The following LRRC7 variants were observed in gnomAD, a reference collection of about 807,000 sequenced individuals.
LRRC7 encodes the protein leucine rich repeat containing 7.
Under a neutral mutation model 175.7 loss-of-function variants are expected in LRRC7, and 23 were observed. That is an observed-to-expected ratio of 0.13 (90% CI 0.09 to 0.19). LRRC7 has a LOEUF of 0.19. Among genes scored for constraint, LRRC7 ranks in the 10% least tolerant of loss-of-function variants. The probability of loss-of-function intolerance (pLI) is 1.00; values close to 1 mark genes in which losing one functional copy is unlikely to be tolerated. For synonymous variants in LRRC7, 685 were observed against 680.9 expected (o/e 1.01, Z -0.09); for missense variants, 1,354 against 1,904.7 (o/e 0.71, Z 5.38).
At chr1:69,775,019 A>T (rs185005870) in intron 3 of LRRC7, among the ~76,000 whole-genome samples, 10 of 152,288 alleles carry the variant, frequency 6.6e-5, no homozygotes, top group East Asian at 3.9e-4. Context: ...ATTTTTATTT[A>T]AAAAAGTTTA....
intron 24 of LRRC7, among the ~76,000 whole-genome samples, chr1:70,080,230 C>T (rs1663104917): frequency 6.6e-6 from 1 of 152,138 alleles, no homozygotes; most frequent in African/African-American, 2.4e-5. Context: ...TTAATGAAAA[C>T]ATACCTCTGT....
chr1:69,903,073 T>C (rs761340108), intron 7 of LRRC7, among the ~76,000 whole-genome samples: 4 of 152,228 alleles, frequency 2.6e-5, no homozygotes, highest in Non-Finnish European at 4.4e-5. Context: ...AGCATGATAA[T>C]CTTTATGACA....
At chr1:69,929,223 T>C (rs904769283) in intron 7 of LRRC7, among the ~76,000 whole-genome samples, 3 of 152,220 alleles carry the variant, frequency 2.0e-5, no homozygotes, top group Admixed American at 1.3e-4. Context: ...AGTGAGCTGG[T>C]AAGCCATCTC....
chr1:69,808,737 A>G lies in LRRC7; in HGVS notation c.421+16577A>G, dbSNP rs558149634. On this transcript the variant is annotated intron_variant, in intron 4 of 26. Coordinates refer to ENST00000651989, the MANE Select transcript of LRRC7 (RefSeq NM_001370785.2). ...AATAAGAACAAAGACACAATGTACCATAATCTCTGGGACACAGCTAAGGCA... is the reference window on the plus strand; with the variant it reads ...AATAAGAACAAAGACACAATGTACCGTAATCTCTGGGACACAGCTAAGGCA... Among the ~76,000 whole-genome samples, 4 of 152,270 alleles carry G rather than the reference A, an allele frequency of 2.6e-5. No homozygotes were observed. The South Asian group carries it at 6.2e-4, about 24-fold the overall frequency.
At position 70,082,801 on chromosome 1, in the gene LRRC7, T is replaced by TTTTTTTTTG. The variant is rs1663316341; in HGVS notation, c.4452+6511_4452+6512insGTTTTTTTT. Among the ~76,000 whole-genome samples the TTTTTTTTTG allele has an allele frequency of 1.7e-5, 2 of 120,294 alleles. 1 individual carries two copies. Among genetic ancestry groups the TTTTTTTTTG allele is most frequent in the Non-Finnish European group, 3.4e-5 (2 of 58,000 alleles). The allele number at this position is 120,294 out of a possible 152,430, so 78.9% of individuals were successfully genotyped here. A position where few individuals can be genotyped will look rare whatever the true frequency, so the allele number is the denominator to read the frequency against. On this transcript the variant is annotated intron_variant, in intron 24 of 26. Coordinates refer to ENST00000651989, the MANE Select transcript of LRRC7 (RefSeq NM_001370785.2). ...AGTACATTTTTTTTTTTTTTTTTTT[T>TTTTTTTTTG]TTTTTTTTTTTGAGACAAAGCCTCT...
At chr1:69,739,577 T>C (rs2100849112) in intron 2 of LRRC7, among the ~76,000 whole-genome samples, 1 of 152,202 alleles carries the variant, frequency 6.6e-6, no homozygotes, top group South Asian at 2.1e-4. Flanking sequence ...TTTGCAAAGT[T>C]AATTGATTTG....
intron 22 of LRRC7, among the ~76,000 whole-genome samples, chr1:70,044,469 G>A (rs1004762309): frequency 6.6e-6 from 1 of 152,008 alleles, no homozygotes; most frequent in Non-Finnish European, 1.5e-5. Context: ...TCCTGGTGAT[G>A]CATTCTGAGA....
chr1:70,076,205 G>C lies in LRRC7; in HGVS notation c.4359G>C (p.Gln1453His). The change falls in exon 24 of 27, where the codon CAG (glutamine) becomes CAC (histidine). Residue 1453 changes from glutamine to histidine, a missense_variant. Physicochemically the swap from Gln to His is conservative, Grantham distance 24 (BLOSUM62 0). Transcript: ENST00000651989. ...IQQFQSPLPI[Q>H]IPSSQATRGP... ...AATTTCAGTCACCATTGCCTATTCA[G>C]ATCCCCTCTTCACAGGCCACCCGGG... is the stretch of plus-strand genomic sequence containing the variant. 6.2e-7 allele frequency: 1 copy of C among 1,614,088 alleles called. No individual in the cohort carries two copies. The highest frequency in any genetic ancestry group is 8.5e-7 in the Non-Finnish European group (1 of 1,179,998).
chr1:70,079,466 A>G (rs1425977027), intron 24 of LRRC7, among the ~76,000 whole-genome samples: 1 of 152,238 alleles, frequency 6.6e-6, no homozygotes, highest in South Asian at 2.1e-4. Flanking sequence ...TGGTACAAAG[A>G]AAGTCTACTC....
intron 7 of LRRC7, among the ~76,000 whole-genome samples, chr1:69,911,187 A>G (rs1427018702): frequency 1.3e-5 from 2 of 151,634 alleles, no homozygotes; most frequent in African/African-American, 4.9e-5. Flanking sequence ...CGGCTCGCGC[A>G]CGGTGCACTG....
chr1:69,899,144 C>T (rs1352779320), intron 7 of LRRC7, among the ~76,000 whole-genome samples: 1 of 152,196 alleles, frequency 6.6e-6, no homozygotes, highest in African/African-American at 2.4e-5. Flanking sequence ...AGTAGTCTCT[C>T]ATATTAGCAG....
chr1:69,913,782 G>A (rs7536181), intron 7 of LRRC7, among the ~76,000 whole-genome samples: 54,922 of 152,002 alleles, frequency 0.36, 12,151 homozygotes, highest in East Asian at 0.55. Context: ...CAAAGTGCTG[G>A]GATTACTGAT....
chr1:69,842,291 A>T (rs1386964784), intron 7 of LRRC7, among the ~76,000 whole-genome samples: 1 of 152,080 alleles, frequency 6.6e-6, no homozygotes, highest in Non-Finnish European at 1.5e-5. Flanking sequence ...AAACTGTTCC[A>T]TGTGTGTGAG....
rs577470915 is a variant in LRRC7, at chr1:70,029,814, T to C, written c.1995+1443T>C. On this transcript the variant is annotated intron_variant, in intron 18 of 26. Transcript: ENST00000651989. ...AAAATGTCTTCATGTAGGGATGGGA[T>C]AGATGAGACTTTGGTTATGAATTTA... Among the ~76,000 whole-genome samples, 6 of 152,326 alleles carry C rather than the reference T, an allele frequency of 3.9e-5. 1 individual carries two copies. Among genetic ancestry groups the C allele is most frequent in the Admixed American group, 3.9e-4 (6 of 15,292 alleles).
intron 2 of LRRC7, among the ~76,000 whole-genome samples, chr1:69,707,441 CT>C (rs1664177571): frequency 6.6e-6 from 1 of 152,112 alleles, no homozygotes; most frequent in African/African-American, 2.4e-5. Flanking sequence ...TGGTAATCTG[CT>C]TTATTACGCG....
intron 18 of LRRC7, among the ~76,000 whole-genome samples, chr1:70,031,466 T>C (rs1231027114): frequency 6.6e-6 from 1 of 152,214 alleles, no homozygotes; most frequent in Non-Finnish European, 1.5e-5. Context: ...GTTATGGTGA[T>C]CCTAGACCAA....
intron 3 of LRRC7, among the ~76,000 whole-genome samples, chr1:69,786,854 C>G (rs1261938768): frequency 6.6e-6 from 1 of 152,118 alleles, no homozygotes; most frequent in African/African-American, 2.4e-5. Flanking sequence ...TCTCCCAGAT[C>G]TTACGTACTC....
At chr1:70,094,436 C>G (rs1424496229) in intron 25 of LRRC7, among the ~76,000 whole-genome samples, 7 of 151,920 alleles carry the variant, frequency 4.6e-5, no homozygotes, top group African/African-American at 1.7e-4. Flanking sequence ...GGTAAAATTC[C>G]AAGCCATCGA....
In LRRC7 at chr1:70,128,055, G is replaced by T. The variant is rs911020080; in HGVS notation, c.*6168G>T. Among the ~76,000 whole-genome samples the T allele has an allele frequency of 6.6e-6, 1 of 151,918 alleles. No individual in the cohort carries two copies. The highest frequency in any genetic ancestry group is 1.5e-5 in the Non-Finnish European group (1 of 68,014). On this transcript the variant is annotated 3_prime_UTR_variant, in exon 27 of 27. Coordinates refer to ENST00000651989, the MANE Select transcript of LRRC7 (RefSeq NM_001370785.2). ...TGGCTCACTGTAACTTCCACCTCCCGAGTTCAGGCAATTCTCATGTCTCAG... is the reference window on the plus strand; with the variant it reads ...TGGCTCACTGTAACTTCCACCTCCCTAGTTCAGGCAATTCTCATGTCTCAG...
Sources: allele counts gnomAD v4.1 joint callset (sites outside exome capture counted in the v4.1 genomes callset), GRCh38; gene constraint gnomAD v4.1.1; transcripts MANE v1.5; gene names NCBI Gene and HGNC (gene_info 2026-07-23, HGNC 2026-07-21).